SVOP: variants seen among roughly 807,000 people sequenced by gnomAD.
SVOP encodes synaptic vesicle 2-related protein.
SVOP carries 17 observed loss-of-function variants against 69.1 expected under a neutral mutation model. The ratio of observed to expected loss-of-function variants is 0.25; its 90% confidence interval spans 0.17 to 0.37. The LOEUF (loss-of-function observed/expected upper bound fraction) is 0.37, where lower values mean the gene tolerates loss of function less well. SVOP is among the 10% of genes least tolerant of loss of function. The pLI, the probability that SVOP is intolerant of heterozygous loss-of-function variation, is 1.00. For missense variants in SVOP, 435 were observed against 597.5 expected, an observed-to-expected ratio of 0.73 and a Z score of 2.84; for synonymous variants, 238 against 238.6, an observed-to-expected ratio of 1.00 and a Z score of 0.02.
intron 7 of SVOP, among the ~76,000 whole-genome samples, chr12:108,943,158 C>G (rs2039902406): frequency 6.6e-6 from 1 of 152,148 alleles, no homozygotes; most frequent in South Asian, 2.1e-4. Flanking sequence ...CAAAACCTGG[C>G]CCTCCAGCCT....
At chr12:108,948,247 C>G (rs1463615616) in intron 6 of SVOP, among the ~76,000 whole-genome samples, 1 of 152,186 alleles carries the variant, frequency 6.6e-6, no homozygotes, top group African/African-American at 2.4e-5. Flanking sequence ...GCATCTTTCA[C>G]TCTTACAGCT....
chr12:108,993,426 C>T (rs900771762), intron 1 of SVOP, among the ~76,000 whole-genome samples: 3 of 151,248 alleles, frequency 2.0e-5, no homozygotes, highest in Non-Finnish European at 4.4e-5. Flanking sequence ...AGCACTGCCA[C>T]AGATGTTACT....
chr12:109,008,595 A>G (rs1241997417), intron 1 of SVOP, among the ~76,000 whole-genome samples: 1 of 152,190 alleles, frequency 6.6e-6, no homozygotes, highest in Non-Finnish European at 1.5e-5. Context: ...TAAAAAATAA[A>G]TCCTAGTTAG....
At chr12:108,971,922 C>T (rs893490988) in intron 5 of SVOP, among the ~76,000 whole-genome samples, 3 of 151,840 alleles carry the variant, frequency 2.0e-5, no homozygotes, top group African/African-American at 7.3e-5. Context: ...GGTGTATTGG[C>T]GCATGCTTGT....
intron 12 of SVOP, among the ~76,000 whole-genome samples, chr12:108,920,157 G>C (rs2039739638): frequency 6.6e-6 from 1 of 152,204 alleles, no homozygotes; most frequent in Non-Finnish European, 1.5e-5. Flanking sequence ...CATGGGAGTG[G>C]ATCCTGCCCC....
chr12:108,988,446 A>G (rs977634607), intron 1 of SVOP, among the ~76,000 whole-genome samples: 1 of 152,122 alleles, frequency 6.6e-6, no homozygotes, highest in Non-Finnish European at 1.5e-5. Context: ...ACATACGGAC[A>G]TCCAATGTTC....
chr12:108,997,122 A>G (rs1344802314), intron 1 of SVOP, among the ~76,000 whole-genome samples: 1 of 152,208 alleles, frequency 6.6e-6, no homozygotes, highest in African/African-American at 2.4e-5. Context: ...CGCGAGCCGA[A>G]GCAGGGCGAG....
intron 9 of SVOP, among the ~76,000 whole-genome samples, chr12:108,938,421 T>G (rs901510832): frequency 2.0e-5 from 3 of 152,182 alleles, no homozygotes; most frequent in African/African-American, 7.2e-5. Flanking sequence ...CAGGGTGCGG[T>G]TTGATCCCCT....
At chr12:108,975,527 G>C (rs1016263268) in intron 4 of SVOP, among the ~76,000 whole-genome samples, 1 of 152,180 alleles carries the variant, frequency 6.6e-6, no homozygotes, top group Non-Finnish European at 1.5e-5. Flanking sequence ...CTTATCTGTA[G>C]AAGTGACAGT....
chr12:108,955,562 G>A (rs2137418261), intron 6 of SVOP, among the ~76,000 whole-genome samples: 1 of 152,348 alleles, frequency 6.6e-6, no homozygotes, highest in East Asian at 1.9e-4. Flanking sequence ...GGACTGAGGA[G>A]AGCTGAGAGC....
intron 5 of SVOP, among the ~76,000 whole-genome samples, chr12:108,967,513 G>GA (rs200820363): frequency 6.6e-6 from 1 of 151,716 alleles, no homozygotes; most frequent in Admixed American, 6.6e-5. Context: ...AAAAAAAAAG[G>GA]AAAAAAAGAA....
At chr12:108,971,258 G>C (rs188601553) in intron 5 of SVOP, among the ~76,000 whole-genome samples, 5 of 151,860 alleles carry the variant, frequency 3.3e-5, no homozygotes, top group African/African-American at 1.2e-4. Context: ...GTGAAACCCT[G>C]TCTGTACTAA....
chr12:108,913,295 A>G (rs745805562), intron 15 of SVOP, among the ~76,000 whole-genome samples: 9 of 152,148 alleles, frequency 5.9e-5, no homozygotes, highest in Non-Finnish European at 5.9e-5. Context: ...TCCTGACCTC[A>G]GGTGATCCAC....
At chr12:108,974,137 T>C (rs1005038833) in intron 4 of SVOP, among the ~76,000 whole-genome samples, 5 of 152,210 alleles carry the variant, frequency 3.3e-5, no homozygotes, top group Admixed American at 6.5e-5. Flanking sequence ...AACTTTTTTT[T>C]ATGTGAACAA....
chr12:108,974,870 GGTAA>G (rs2040098528), intron 4 of SVOP, among the ~76,000 whole-genome samples: 1 of 152,124 alleles, frequency 6.6e-6, no homozygotes, highest in Non-Finnish European at 1.5e-5. Context: ...GCAGATATCA[GGTAA>G]GTATTTCCAT....
In SVOP at chr12:108,912,577, G is replaced by A. The variant is rs117526594; in HGVS notation, c.1605C>T (p.His535=). Residue 535 remains histidine (H), a synonymous_variant, in exon 16 of 16, where the codon CAC becomes CAT. Transcript: ENST00000610966. ...WGQEMVGRGM[H]GAGVTRSNSG... is the part of the protein sequence containing the mutation. ...AGTTCGACCTGGTAACACCTGCACC[G>A]TGCATTCCTCGGCCGACCATCTCCT... The A allele has an allele frequency of 3.5e-4, 567 of 1,613,784 alleles. 2 individuals are homozygous for A. In the East Asian group the frequency reaches 6.9e-3, roughly 20 times the overall value.
intron 6 of SVOP, among the ~76,000 whole-genome samples, chr12:108,960,582 TC>T (rs1367608125): frequency 6.6e-6 from 1 of 152,118 alleles, no homozygotes; most frequent in Non-Finnish European, 1.5e-5. Flanking sequence ...AGGCTCAGTT[TC>T]CCCAACTGTA....
At chr12:108,968,853 G>C (rs1050838570) in intron 5 of SVOP, among the ~76,000 whole-genome samples, 20 of 152,058 alleles carry the variant, frequency 1.3e-4, no homozygotes, top group African/African-American at 4.8e-4. Context: ...GAGTGTAGTG[G>C]CATGATCTCG....
chr12:108,983,658 C>T lies in SVOP; in HGVS notation c.139G>A (p.Ala47Thr), dbSNP rs944284221. ...QIEGVHVGLE[A>T]VELDDGAAVP... ...GCTGCCCCATCATCCAGCTCCACAG[C>T]CTCTAGGCCCACGTGGACCCCTTCA... The change falls in exon 2 of 16, where the codon GCT becomes ACT. Residue 47 changes from alanine (A) to threonine (T), a missense_variant. Ala to Thr is a moderately conservative substitution (Grantham distance 58, BLOSUM62 0). Transcript: ENST00000610966. The T allele has an allele frequency of 2.5e-5, 10 of 398,738 alleles. No homozygotes were observed. Among genetic ancestry groups the T allele is most frequent in the Admixed American group, 1.3e-4 (3 of 22,724 alleles). 24.7% of individuals were successfully genotyped at this position (398,738 alleles called of 1,614,324 possible). A position where few individuals can be genotyped will look rare whatever the true frequency, so the allele number is the denominator to read the frequency against.
Sources: allele counts gnomAD v4.1 joint callset (sites outside exome capture counted in the v4.1 genomes callset), GRCh38; gene constraint gnomAD v4.1.1; transcripts MANE v1.5; gene names NCBI Gene and HGNC (gene_info 2026-07-23, HGNC 2026-07-21).